The following RIT2 variants were observed in gnomAD, a reference collection of about 807,000 sequenced individuals.
RIT2 encodes Ras like without CAAX 2, also known as GTP-binding protein Rit2.
In RIT2, 24 loss-of-function variants were observed where a neutral mutation model predicts 23.7. The ratio of observed to expected loss-of-function variants is 1.01; its 90% CI spans 0.73 to 1.43. RIT2 has a LOEUF of 1.43. Among genes scored for constraint, RIT2 ranks in the 40% most tolerant of loss-of-function variants. RIT2 has a pLI of 0.00. For missense variants in RIT2, 236 were observed against 266.9 expected (o/e 0.88, Z 0.81); for synonymous variants, 107 against 91.1 (o/e 1.17, Z -0.99).
At chr18:42,903,029 C>T (rs549909688) in intron 4 of RIT2, among the ~76,000 whole-genome samples, 9 of 151,464 alleles carry the variant, frequency 5.9e-5, no homozygotes, top group East Asian at 1.9e-4. Context: ...TCAAAAAGAT[C>T]GAGGAGGCAT....
intron 1 of RIT2, among the ~76,000 whole-genome samples, chr18:43,087,615 G>T (rs1266257875): frequency 6.6e-6 from 1 of 152,124 alleles, no homozygotes; most frequent in African/African-American, 2.4e-5. Context: ...AAAACCACAG[G>T]TCATTTTATT....
At chr18:43,044,468 C>T (rs1412689343) in intron 1 of RIT2, among the ~76,000 whole-genome samples, 1 of 152,120 alleles carries the variant, frequency 6.6e-6, no homozygotes, top group Non-Finnish European at 1.5e-5. Context: ...AGTAATGAAG[C>T]TCATTAATGC....
intron 1 of RIT2, among the ~76,000 whole-genome samples, chr18:43,061,610 C>T (rs138482969): frequency 1.9e-3 from 283 of 152,188 alleles, no homozygotes; most frequent in African/African-American, 6.5e-3. Context: ...CACTCTTTCT[C>T]GATTAGTTCC....
chr18:43,071,638 A>G (rs1289605596), intron 1 of RIT2, among the ~76,000 whole-genome samples: 1 of 152,218 alleles, frequency 6.6e-6, no homozygotes, highest in Non-Finnish European at 1.5e-5. Flanking sequence ...CTTTAAAATT[A>G]CAGTATTATT....
In RIT2 at chr18:42,979,307, GA is replaced by G. The variant is rs1396508745; in HGVS notation, c.161-5161del. Among the ~76,000 whole-genome samples the G allele has an allele frequency of 2.0e-5, 3 of 151,280 alleles. 1 individual carries two copies. Among genetic ancestry groups the G allele is most frequent in the Non-Finnish European group, 3.0e-5 (2 of 67,766 alleles). ...TAAGACCACCAAAATATATAACTAA[GA>G]AAAAAATATCAGAAATTTAATGGTA... On this transcript the variant is annotated intron_variant, in intron 2 of 4. Coordinates refer to ENST00000326695, the MANE Select transcript of RIT2 (RefSeq NM_002930.4).
intron 1 of RIT2, among the ~76,000 whole-genome samples, chr18:43,040,073 A>T (rs1282573217): frequency 6.6e-6 from 1 of 152,238 alleles, no homozygotes; most frequent in Non-Finnish European, 1.5e-5. Context: ...GCTTAGAACA[A>T]GAAAAATCAT....
At chr18:43,078,837 T>C (rs1327589444) in intron 1 of RIT2, among the ~76,000 whole-genome samples, 1 of 152,142 alleles carries the variant, frequency 6.6e-6, no homozygotes, top group African/African-American at 2.4e-5. Flanking sequence ...CTCAGCTGCA[T>C]CAATCTTCTG....
intron 4 of RIT2, among the ~76,000 whole-genome samples, chr18:42,918,883 T>C (rs1015150438): frequency 1.3e-5 from 2 of 152,186 alleles, no homozygotes; most frequent in Non-Finnish European, 1.5e-5. Context: ...TCTTTCTTAC[T>C]TGGTCAAGAT....
chr18:42,860,757 A>G (rs1907304776), intron 4 of RIT2, among the ~76,000 whole-genome samples: 2 of 152,196 alleles, frequency 1.3e-5, no homozygotes, highest in South Asian at 2.1e-4. Context: ...CCAGCAGACT[A>G]GAGTTAAGGC....
intron 1 of RIT2, among the ~76,000 whole-genome samples, chr18:43,052,812 G>GACTCGAA (rs1326297855): frequency 1.3e-5 from 2 of 151,974 alleles, no homozygotes; most frequent in Non-Finnish European, 2.9e-5. Context: ...AATATACATA[G>GACTCGAA]GTCTGTGACT....
chr18:42,859,391 G>C (rs1282449316), intron 4 of RIT2, among the ~76,000 whole-genome samples: 1 of 152,158 alleles, frequency 6.6e-6, no homozygotes. Context: ...CTGATTTTTA[G>C]ATTAGACTAT....
At chr18:42,947,160 A>T (rs1052263371) in intron 3 of RIT2, among the ~76,000 whole-genome samples, 1 of 152,108 alleles carries the variant, frequency 6.6e-6, no homozygotes, top group African/African-American at 2.4e-5. Flanking sequence ...ACATATGGAT[A>T]TGGGGAAAAC....
At chr18:42,873,984 G>A (rs1907684618) in intron 4 of RIT2, among the ~76,000 whole-genome samples, 1 of 152,052 alleles carries the variant, frequency 6.6e-6, no homozygotes, top group South Asian at 2.1e-4. Context: ...TTAACTTGGA[G>A]AGCACAGCTT....
chr18:42,904,417 A>G (rs978250632), intron 4 of RIT2, among the ~76,000 whole-genome samples: 1 of 152,112 alleles, frequency 6.6e-6, no homozygotes. Context: ...AAGCTACTGG[A>G]TCTTTGGGAA....
chr18:42,846,774 C>G (rs74846468), intron 4 of RIT2, among the ~76,000 whole-genome samples: 1 of 151,936 alleles, frequency 6.6e-6, no homozygotes, highest in African/African-American at 2.4e-5. Context: ...TAAAAAGGAA[C>G]GCTTCAAATT....
intron 3 of RIT2, among the ~76,000 whole-genome samples, chr18:42,938,173 G>A (rs920082093): frequency 1.3e-5 from 2 of 152,174 alleles, no homozygotes; most frequent in Admixed American, 6.5e-5. Flanking sequence ...GCATTTGAAA[G>A]TTTTAAGTGA....
At chr18:42,886,013 T>G (rs1908013858) in intron 4 of RIT2, among the ~76,000 whole-genome samples, 2 of 152,162 alleles carry the variant, frequency 1.3e-5, no homozygotes. Flanking sequence ...CCAGGATGTG[T>G]GATTGTATTA....
intron 1 of RIT2, among the ~76,000 whole-genome samples, chr18:43,048,061 A>C (rs1021778078): frequency 6.6e-6 from 1 of 152,180 alleles, no homozygotes; most frequent in African/African-American, 2.4e-5. Flanking sequence ...GAATCACTAA[A>C]GGTACAAAGA....
At chr18:42,940,954 A>G (rs1909587336) in intron 3 of RIT2, among the ~76,000 whole-genome samples, 1 of 152,156 alleles carries the variant, frequency 6.6e-6, no homozygotes. Flanking sequence ...CTGATAGTAT[A>G]AACAAAGGTC....
Sources: gnomAD v4.1 joint callset for allele counts (sites outside exome capture counted in the v4.1 genomes callset) on GRCh38, gnomAD v4.1.1 for gene constraint, MANE v1.5 for transcripts, NCBI Gene and HGNC (gene_info 2026-07-23, HGNC 2026-07-21) for gene names.